Variants in CTNNA2 observed in about 807,000 individuals in gnomAD.
CTNNA2 encodes the protein catenin alpha-2.
A neutral mutation model predicts 101.0 loss-of-function variants in CTNNA2; 42 were observed. That is an observed-to-expected ratio of 0.42 (90% CI 0.32 to 0.54). The LOEUF (loss-of-function observed/expected upper bound fraction) is 0.54. CTNNA2 is among the 20% of genes least tolerant of loss of function. CTNNA2 has a pLI of 0.14. For missense variants in CTNNA2, 871 were observed against 1,223.1 expected (o/e 0.71, Z 4.29); for synonymous variants, 450 against 456.4 (o/e 0.99, Z 0.18).
At chr2:80,576,344 G>A (rs1435751315) in intron 13 of CTNNA2, 1 of 147,684 alleles carries the variant, frequency 6.8e-6, no homozygotes, top group African/African-American at 2.5e-5. Context: ...CTTTTCTGTT[G>A]GAGCAATCTA....
intron 7 of CTNNA2, among the ~76,000 whole-genome samples, chr2:80,265,956 A>G (rs889953998): frequency 2.0e-5 from 3 of 152,172 alleles, no homozygotes; most frequent in Non-Finnish European, 2.9e-5. Context: ...TCTGGTGGCC[A>G]TTTGGATGTG....
At chr2:79,465,182 A>G (rs1573178406) in intron 4 of CTNNA2, among the ~76,000 whole-genome samples, 1 of 152,338 alleles carries the variant, frequency 6.6e-6, no homozygotes, top group East Asian at 1.9e-4. Flanking sequence ...GAAGGGATCC[A>G]GTTTCAGCTT....
At chr2:80,412,405 T>C (rs918797334) in intron 8 of CTNNA2, among the ~76,000 whole-genome samples, 1 of 152,210 alleles carries the variant, frequency 6.6e-6, no homozygotes, top group East Asian at 1.9e-4. Flanking sequence ...ATTACAGCTG[T>C]GATTTTCTTA....
intron 2 of CTNNA2, among the ~76,000 whole-genome samples, chr2:79,707,518 G>T (rs1685460546): frequency 6.6e-6 from 1 of 152,208 alleles, no homozygotes; most frequent in Non-Finnish European, 1.5e-5. Flanking sequence ...TGTATTTCCT[G>T]CATTGGCATA....
At chr2:79,983,987 A>G in intron 7 of CTNNA2, among the ~76,000 whole-genome samples, 1 of 152,156 alleles carries the variant, frequency 6.6e-6, no homozygotes, top group East Asian at 1.9e-4. Context: ...TAAAAAAAAT[A>G]AAAGCAGGTC....
chr2:80,472,323 A>G (rs1384987282), intron 9 of CTNNA2, among the ~76,000 whole-genome samples: 4 of 152,110 alleles, frequency 2.6e-5, no homozygotes, highest in Admixed American at 1.3e-4. Flanking sequence ...TGGCTGATGA[A>G]TAAATGGTAA....
chr2:80,148,124 C>A (rs1703466351), intron 7 of CTNNA2, among the ~76,000 whole-genome samples: 5 of 152,142 alleles, frequency 3.3e-5, no homozygotes, highest in Admixed American at 3.3e-4. Context: ...ACTCTTTCCT[C>A]CATTGCAAAT....
At chr2:80,028,470 C>A (rs1180646113) in intron 7 of CTNNA2, 1 of 152,196 alleles carries the variant, frequency 6.6e-6, no homozygotes, top group Non-Finnish European at 1.5e-5. Context: ...TTTTCATACT[C>A]TGGATTCTTT....
intron 2 of CTNNA2, among the ~76,000 whole-genome samples, chr2:79,736,064 T>C (rs1185934329): frequency 6.6e-6 from 1 of 152,198 alleles, no homozygotes; most frequent in Non-Finnish European, 1.5e-5. Flanking sequence ...TGTAGTAGTT[T>C]CTATTGTAGT....
chr2:79,434,905 G>C (rs1290220140), intron 4 of CTNNA2, among the ~76,000 whole-genome samples: 1 of 152,124 alleles, frequency 6.6e-6, no homozygotes, highest in Non-Finnish European at 1.5e-5. Flanking sequence ...CCCCACATTT[G>C]TTTCTGTAGG....
Position 80,335,430 on chromosome 2 carries a change from C to A in CTNNA2, c.1057-57781C>A, listed in dbSNP as rs916830186. Among the ~76,000 whole-genome samples, 4 of 152,116 alleles carry A rather than the reference C, an allele frequency of 2.6e-5. No individual in the cohort carries two copies. The East Asian group carries it at 7.7e-4, about 29-fold the overall frequency. On this transcript the variant is annotated intron_variant, in intron 7 of 18. Coordinates refer to ENST00000402739, the MANE Select transcript of CTNNA2 (RefSeq NM_001282597.3). ...TCAGACTGGCCCCAAATGCCTTATC[C>A]TGTAGGTAGCTTCCACTCTGCCTGG...
chr2:80,335,054 G>T (rs76161535), intron 7 of CTNNA2, among the ~76,000 whole-genome samples: 11,498 of 152,222 alleles, frequency 0.076, 437 homozygotes, highest in Non-Finnish European at 0.089. Context: ...CTTTCAGATG[G>T]GTTAATCAGG....
At chr2:79,388,795 A>AT (rs1415260466) in intron 4 of CTNNA2, among the ~76,000 whole-genome samples, 16 of 150,534 alleles carry the variant, frequency 1.1e-4, no homozygotes, top group Admixed American at 7.3e-4. Context: ...TTTTTTTTTA[A>AT]TTTTTTTATT....
intron 9 of CTNNA2, among the ~76,000 whole-genome samples, chr2:80,461,500 A>G (rs1684422774): frequency 6.6e-6 from 1 of 152,082 alleles, no homozygotes; most frequent in African/African-American, 2.4e-5. Context: ...GGTTCCTATA[A>G]CTATTGCAAA....
chr2:79,870,058 G>T, intron 5 of CTNNA2, 123 bp downstream of exon 5: 1 of 1,292,756 alleles, frequency 7.7e-7, no homozygotes, highest in Non-Finnish European at 1.1e-6. Flanking sequence ...AAGAACCTGT[G>T]ATGACAAAGG....
chr2:79,539,773 A>G (rs1463609114), intron 1 of CTNNA2, among the ~76,000 whole-genome samples: 1 of 152,108 alleles, frequency 6.6e-6, no homozygotes, highest in African/African-American at 2.4e-5. Context: ...TTCCACATCA[A>G]TAAATGAGGC....
chr2:80,468,897 T>C (rs1391137402), intron 9 of CTNNA2, among the ~76,000 whole-genome samples: 10 of 152,182 alleles, frequency 6.6e-5, no homozygotes, highest in Non-Finnish European at 1.5e-4. Context: ...AAAAGTACCT[T>C]ATTTTTTTCT....
chr2:79,866,292 C>T (rs1466115715), intron 4 of CTNNA2, among the ~76,000 whole-genome samples: 1 of 152,192 alleles, frequency 6.6e-6, no homozygotes, highest in African/African-American at 2.4e-5. Context: ...GTCTTTTCAG[C>T]TTTATCTATG....
chr2:80,040,549 A>G, intron 7 of CTNNA2, among the ~76,000 whole-genome samples: 1 of 152,146 alleles, frequency 6.6e-6, no homozygotes, highest in Non-Finnish European at 1.5e-5. Context: ...ATTCAAATCA[A>G]CTCAGTTATT....
Sources: allele counts gnomAD v4.1 joint callset (sites outside exome capture counted in the v4.1 genomes callset), GRCh38; gene constraint gnomAD v4.1.1; transcripts MANE v1.5; gene names NCBI Gene and HGNC (gene_info 2026-07-23, HGNC 2026-07-21).